The following EYS variants were observed in gnomAD, a reference collection of about 807,000 sequenced individuals.
The protein encoded by EYS is protein eyes shut homolog.
Under a neutral mutation model 282.1 loss-of-function variants are expected in EYS, and 250 were observed. The ratio of observed to expected loss-of-function variants is 0.89; its 90% CI spans 0.80 to 0.98. The LOEUF (loss-of-function observed/expected upper bound fraction) is 0.98, where lower values mean the gene tolerates loss of function less well. Among genes scored for constraint, EYS ranks in the 50% least tolerant of loss-of-function variants. The probability of loss-of-function intolerance (pLI) is 0.00; values close to 1 mark genes in which losing one functional copy is unlikely to be tolerated. For synonymous variants in EYS, 1,355 were observed against 1,282.9 expected (o/e 1.06, Z -1.20); for missense variants, 4,016 against 3,709.0 (o/e 1.08, Z -2.15).
intron 12 of EYS, among the ~76,000 whole-genome samples, chr6:65,239,349 A>G (rs2150274541): frequency 6.6e-6 from 1 of 152,216 alleles, no homozygotes; most frequent in East Asian, 1.9e-4. Context: ...TGTGACCAAT[A>G]AGGTTTACAA....
At chr6:65,048,870 A>C (rs1367307445) in intron 13 of EYS, among the ~76,000 whole-genome samples, 2 of 151,810 alleles carry the variant, frequency 1.3e-5, no homozygotes, top group African/African-American at 4.8e-5. Context: ...ATCTCCTGAA[A>C]TTATCCAATT....
At chr6:65,608,759 A>G (rs1765890697) in intron 2 of EYS, among the ~76,000 whole-genome samples, 1 of 151,904 alleles carries the variant, frequency 6.6e-6, no homozygotes, top group Non-Finnish European at 1.5e-5. Flanking sequence ...TAAAAGATTT[A>G]TTTTCGTTTG....
Position 65,692,518 on chromosome 6 carries a change from C to T in EYS, c.-448+14617G>A, listed in dbSNP as rs184178307. Among the ~76,000 whole-genome samples, 473 of 149,926 alleles carry T rather than the reference C, an allele frequency of 3.2e-3. 16 individuals carry two copies. The highest frequency in any genetic ancestry group is 5.6e-3 in the Non-Finnish European group (377 of 67,506). On this transcript the variant is annotated intron_variant, in intron 1 of 42. Coordinates refer to ENST00000503581, the MANE Select transcript of EYS (RefSeq NM_001142800.2). ...AAAGAAGATCTTTTCATACTTGTTT[C>T]CTGGTAATGAAAAAAGTGGATATAC... is the stretch of plus-strand genomic sequence containing the variant.
At chr6:63,795,584 A>G (rs1387464198) in intron 37 of EYS, among the ~76,000 whole-genome samples, 1 of 152,198 alleles carries the variant, frequency 6.6e-6, no homozygotes, top group African/African-American at 2.4e-5. Flanking sequence ...CTATAATTAT[A>G]GTTAAGCTTA....
intron 8 of EYS, among the ~76,000 whole-genome samples, chr6:65,357,644 T>C (rs777523406): frequency 1.3e-5 from 2 of 152,012 alleles, no homozygotes; most frequent in Non-Finnish European, 2.9e-5. Context: ...GACAATACTT[T>C]GGTAATACTA....
intron 6 of EYS, among the ~76,000 whole-genome samples, chr6:65,402,909 T>C (rs959794494): frequency 3.3e-5 from 5 of 152,116 alleles, no homozygotes; most frequent in South Asian, 2.1e-4. Context: ...ATATAGATTC[T>C]ATCTAATTAT....
chr6:65,158,255 T>A (rs897410331), intron 12 of EYS, among the ~76,000 whole-genome samples: 1 of 150,816 alleles, frequency 6.6e-6, no homozygotes, highest in African/African-American at 2.4e-5. Context: ...AGAAGAAATA[T>A]TATAAGGAAT....
chr6:64,380,753 C>T (rs374887882), intron 29 of EYS, among the ~76,000 whole-genome samples: 266 of 152,246 alleles, frequency 1.7e-3, no homozygotes, highest in African/African-American at 6.1e-3. Flanking sequence ...CAGGGTGGCT[C>T]ACGCCTATAA....
intron 41 of EYS, among the ~76,000 whole-genome samples, chr6:63,755,487 G>A (rs1769455354): frequency 6.6e-6 from 1 of 152,054 alleles, no homozygotes; most frequent in South Asian, 2.1e-4. Context: ...CTATTGGTCT[G>A]TCTCTCTGTT....
In EYS at chr6:63,867,126, A is replaced by G. The variant is rs138574944; in HGVS notation, c.7056-2768T>C. On this transcript the variant is annotated intron_variant, in intron 35 of 42. Coordinates refer to ENST00000503581, the MANE Select transcript of EYS (RefSeq NM_001142800.2). ...AAGGCAGTGTTGACCCAGAAAGGGA[A>G]TGCTCTAAGACTGATGGATCTTATG... Among the ~76,000 whole-genome samples, 13 of 152,286 alleles carry G rather than the reference A, an allele frequency of 8.5e-5. 1 individual carries two copies. The South Asian group carries it at 1.9e-3, about 22-fold the overall frequency.
intron 30 of EYS, among the ~76,000 whole-genome samples, chr6:64,278,352 A>G (rs977763769): frequency 1.3e-5 from 2 of 152,164 alleles, no homozygotes; most frequent in Non-Finnish European, 2.9e-5. Flanking sequence ...CATTTTTAGA[A>G]GCTTTTTAAT....
chr6:65,522,853 G>T (rs1320404392), intron 2 of EYS, among the ~76,000 whole-genome samples: 3 of 151,882 alleles, frequency 2.0e-5, no homozygotes, highest in Non-Finnish European at 4.4e-5. Flanking sequence ...GGCTAATTCT[G>T]CCTTTTAACC....
intron 35 of EYS, among the ~76,000 whole-genome samples, chr6:63,937,283 GCT>G (rs1765085816): frequency 1.5e-5 from 2 of 136,740 alleles, no homozygotes; most frequent in Non-Finnish European, 3.0e-5. Context: ...CCTCAGATGT[GCT>G]ATTATCTGAA....
At chr6:64,751,556 C>A (rs963685503) in intron 22 of EYS, among the ~76,000 whole-genome samples, 1 of 152,216 alleles carries the variant, frequency 6.6e-6, no homozygotes, top group East Asian at 1.9e-4. Context: ...GGGCTGAGCA[C>A]AGAGACAAGG....
chr6:64,196,809 G>A (rs999935040), intron 31 of EYS, among the ~76,000 whole-genome samples: 1 of 151,350 alleles, frequency 6.6e-6, no homozygotes, highest in African/African-American at 2.4e-5. Flanking sequence ...ATGAGTTAAT[G>A]GGTGCAGCAC....
intron 35 of EYS, among the ~76,000 whole-genome samples, chr6:63,970,169 T>G (rs1766489792): frequency 6.6e-6 from 1 of 152,314 alleles, no homozygotes; most frequent in South Asian, 2.1e-4. Flanking sequence ...CCTGCAGAAT[T>G]GTTCTAACTT....
At chr6:64,407,501 A>G (rs1031498297) in intron 28 of EYS, among the ~76,000 whole-genome samples, 3 of 152,158 alleles carry the variant, frequency 2.0e-5, no homozygotes, top group Non-Finnish European at 4.4e-5. Flanking sequence ...AACACCATTT[A>G]TGGCAAAACA....
At chr6:63,722,734 C>T (rs1768452646) in intron 42 of EYS, among the ~76,000 whole-genome samples, 1 of 152,176 alleles carries the variant, frequency 6.6e-6, no homozygotes, top group African/African-American at 2.4e-5. Flanking sequence ...ACTTCTTCCT[C>T]CCTCCAGAGT....
At chr6:65,409,631 A>C (rs1268538243) in intron 5 of EYS, among the ~76,000 whole-genome samples, 2 of 152,188 alleles carry the variant, frequency 1.3e-5, no homozygotes, top group African/African-American at 4.8e-5. Context: ...TTCGTACTTC[A>C]AGTTTATAAC....
Sources: gnomAD v4.1 joint callset for allele counts (sites outside exome capture counted in the v4.1 genomes callset) on GRCh38, gnomAD v4.1.1 for gene constraint, MANE v1.5 for transcripts, NCBI Gene and HGNC (gene_info 2026-07-23, HGNC 2026-07-21) for gene names.